AREG: variants seen among roughly 807,000 people sequenced by gnomAD.
AREG encodes amphiregulin B.
A neutral mutation model predicts 28.0 loss-of-function variants in AREG; 16 were observed. That is an observed-to-expected ratio of 0.57 (90% CI 0.39 to 0.87). AREG has a LOEUF of 0.87. Ranked by LOEUF, AREG falls within the 40% of genes least tolerant of loss-of-function variation. The probability of loss-of-function intolerance (pLI) is 0.00; values close to 1 mark genes in which losing one functional copy is unlikely to be tolerated. For missense variants in AREG, 287 were observed against 309.1 expected, an observed-to-expected ratio of 0.93 and a Z score of 0.53; for synonymous variants, 113 against 113.5, an observed-to-expected ratio of 1.00 and a Z score of 0.02.
intron 2 of AREG, 71 bp from the exon 3 acceptor site, chr4:74,448,976 T>A: frequency 6.3e-7 from 1 of 1,594,290 alleles, no homozygotes; most frequent in East Asian, 2.2e-5. Flanking sequence ...TGCTATGACA[T>A]CTTTCTCTCA....
At position 74,446,710 on chromosome 4, in the gene AREG, G is replaced by C. The variant is rs748850635; in HGVS notation, c.238G>C (p.Asp80His). The change falls in exon 2 of 6, where the codon GAC (aspartate) becomes CAC (histidine). Residue 80 changes from aspartate to histidine, a missense_variant. Coordinates refer to ENST00000395748, the MANE Select transcript of AREG (RefSeq NM_001657.4). Reference protein sequence around the residue: ...PSSSEPSSGADYDYSEEYDNE... With the variant: ...PSSSEPSSGAHYDYSEEYDNE... ...TAGTAGTGAACCGTCCTCGGGAGCCGACTATGACTACTCAGAAGAGTATGA... is the reference window on the plus strand; with the variant it reads ...TAGTAGTGAACCGTCCTCGGGAGCCCACTATGACTACTCAGAAGAGTATGA... 8 of 1,613,912 alleles carry C rather than the reference G, an allele frequency of 5.0e-6. No homozygotes were observed. The highest frequency in any genetic ancestry group is 6.8e-6 in the Non-Finnish European group (8 of 1,179,856).
intron 5 of AREG, among the ~76,000 whole-genome samples, chr4:74,453,788 G>A (rs1177768142): frequency 6.6e-6 from 1 of 152,048 alleles, no homozygotes; most frequent in African/African-American, 2.4e-5. Flanking sequence ...GGGTGTGGTG[G>A]TGAATGTCTA....
In AREG at chr4:74,452,598, A is replaced by G. The variant is rs1719397195; in HGVS notation, c.720A>G (p.Lys240=). Residue 240 remains lysine, a synonymous_variant, in exon 5 of 6, where the codon AAA becomes AAG. Transcript: ENST00000395748. ...AAGGAGAAGCTGAGGAACGAAAGAA[A>G]CTTCGACAAGAGAATGGAAATGTAC... ...KYEGEAEERK[K]LRQENGNVHA... 3 of 1,613,482 alleles carry G rather than the reference A, an allele frequency of 1.9e-6. No homozygotes were observed. The highest frequency in any genetic ancestry group is 1.7e-6 in the Non-Finnish European group (2 of 1,179,696).
chr4:74,446,893 T>A (rs1318913368), intron 2 of AREG, 111 bp downstream of exon 2: 1 of 1,602,642 alleles, frequency 6.2e-7, no homozygotes, highest in Non-Finnish European at 8.5e-7. Flanking sequence ...TTATTGTATA[T>A]CTGTTGGATA....
Position 74,447,064 on chromosome 4 carries a change from A to G in AREG, c.310+282A>G, listed in dbSNP as rs1010297185. 1.5e-3 allele frequency among the ~76,000 whole-genome samples: 229 copies of G among 152,300 alleles called. 5 individuals carry two copies. The South Asian group carries it at 0.044, about 29-fold the overall frequency. On this transcript the variant is annotated intron_variant, in intron 2 of 5. Coordinates refer to ENST00000395748, the MANE Select transcript of AREG (RefSeq NM_001657.4). ...TTTACAGATGTGATAACTGAAGCCGAAAAAGGTTTTGCTCTAGGTTCTACA... is the reference window on the plus strand; with the variant it reads ...TTTACAGATGTGATAACTGAAGCCGGAAAAGGTTTTGCTCTAGGTTCTACA...
At position 74,449,056 on chromosome 4, in the gene AREG, TAG is replaced by T; in HGVS notation, c.321_322del (p.Val108Ter). On this transcript the variant is annotated frameshift_variant, in exon 3 of 6. Transcript: ENST00000395748. LOFTEE classifies it high-confidence loss of function. ...ATCTTTTCTTTTTTAGTTGAACAGG[TAG>T]TTAAGCCCCCCCAAAACAAGACGGA... 1 of 1,608,978 alleles carries T rather than the reference TAG, an allele frequency of 6.2e-7. No homozygotes were observed. Among genetic ancestry groups the T allele is most frequent in the Non-Finnish European group, 8.5e-7 (1 of 1,179,156 alleles).
At chr4:74,449,954 A>ATG (rs1409655855) in intron 3 of AREG, among the ~76,000 whole-genome samples, 2 of 149,894 alleles carry the variant, frequency 1.3e-5, no homozygotes, top group African/African-American at 4.9e-5. Flanking sequence ...ATATATATGT[A>ATG]TGTGTGTGTG....
At chr4:74,450,684 C>A in intron 4 of AREG, 152 bp downstream of exon 4, 1 of 1,241,976 alleles carries the variant, frequency 8.1e-7, no homozygotes, top group Non-Finnish European at 1.1e-6. Flanking sequence ...TGACAAATAT[C>A]ACAGAAAGTG....
rs904717247 is a variant in AREG at position 74,445,235 on chromosome 4, C to T, written c.-111C>T. ...GCTCCCCAAGCCTTCGAGAGCGGCG[C>T]ACACTCCCGGTCTCCACTCGCTCTT... is the stretch of plus-strand genomic sequence containing the variant. On this transcript the variant is annotated 5_prime_UTR_variant, in exon 1 of 6. Coordinates refer to ENST00000395748, the MANE Select transcript of AREG (RefSeq NM_001657.4). 5.9e-6 allele frequency: 9 copies of T among 1,538,070 alleles called. No homozygotes were observed. In the African/African-American group the frequency reaches 1.2e-4, roughly 21 times the overall value.
rs1719251010 is a variant in AREG at position 74,445,307 on chromosome 4, T to G, written c.-39T>G. 6.2e-7 allele frequency: 1 copy of G among 1,600,876 alleles called. No homozygotes were observed. The highest frequency in any genetic ancestry group is 1.7e-5 in the Admixed American group (1 of 58,452). On this transcript the variant is annotated 5_prime_UTR_variant, in exon 1 of 6. Coordinates refer to ENST00000395748, the MANE Select transcript of AREG (RefSeq NM_001657.4). ...GGCAGCTCGTGTCCCAGAGACCGAG[T>G]TGCCCCAGAGACCGAGACGCCGCCG...
chr4:74,445,310 C>A lies in AREG; in HGVS notation c.-36C>A, dbSNP rs762292477. On this transcript the variant is annotated 5_prime_UTR_variant, in exon 1 of 6. Coordinates refer to ENST00000395748, the MANE Select transcript of AREG (RefSeq NM_001657.4). ...AGCTCGTGTCCCAGAGACCGAGTTG[C>A]CCCAGAGACCGAGACGCCGCCGCTG... 1.4e-5 allele frequency: 22 copies of A among 1,602,136 alleles called. 2 individuals are homozygous for A. The highest frequency in any genetic ancestry group is 2.3e-4 in the Middle Eastern group (1 of 4,438).
intron 5 of AREG, among the ~76,000 whole-genome samples, chr4:74,453,271 G>T (rs1246133941): frequency 1.3e-5 from 2 of 152,188 alleles, no homozygotes; most frequent in Non-Finnish European, 2.9e-5. Flanking sequence ...CTGATAATGT[G>T]AGGGCATGGA....
intron 1 of AREG, among the ~76,000 whole-genome samples, chr4:74,445,952 A>G (rs891436701): frequency 7.9e-5 from 12 of 150,974 alleles, no homozygotes; most frequent in Admixed American, 2.6e-4. Flanking sequence ...CTATGTAGTA[A>G]TAATAATAAT....
chr4:74,447,452 A>G lies in AREG; in HGVS notation c.310+670A>G, dbSNP rs1003409451. On this transcript the variant is annotated intron_variant, in intron 2 of 5. Transcript: ENST00000395748. ...TTTGTATTGCTAAAATCACTCTTTA[A>G]CCCCAAATCCCATTTGTTAGTTATA... 6.4e-4 allele frequency among the ~76,000 whole-genome samples: 97 copies of G among 152,116 alleles called. 1 individual carries two copies. Among genetic ancestry groups the G allele is most frequent in the African/African-American group, 2.3e-3 (94 of 41,488 alleles).
intron 4 of AREG, 89 bp downstream of exon 4, chr4:74,450,621 A>G: frequency 6.6e-7 from 1 of 1,504,534 alleles, no homozygotes. Flanking sequence ...CTGGTATTTT[A>G]GATGAATTAT....
At position 74,452,571 on chromosome 4, in the gene AREG, T is replaced by C; in HGVS notation, c.693T>C (p.Tyr231=). 11 of 1,613,510 alleles carry C rather than the reference T, an allele frequency of 6.8e-6. No homozygotes were observed. The South Asian group carries it at 1.2e-4, about 18-fold the overall frequency. The change falls in exon 5 of 6, where the codon TAT becomes TAC. Residue 231 remains tyrosine, a synonymous_variant. Coordinates refer to ENST00000395748, the MANE Select transcript of AREG (RefSeq NM_001657.4). ...VQLRRQYVRK[Y]EGEAEERKKL... is the part of the protein sequence containing the mutation. ...TTAGAAGACAATACGTCAGGAAATATGAAGGAGAAGCTGAGGAACGAAAGA... is the reference window on the plus strand; with the variant it reads ...TTAGAAGACAATACGTCAGGAAATACGAAGGAGAAGCTGAGGAACGAAAGA...
intron 5 of AREG, among the ~76,000 whole-genome samples, chr4:74,453,681 C>T (rs984463498): frequency 3.3e-4 from 50 of 152,052 alleles, no homozygotes; most frequent in Non-Finnish European, 6.2e-4. Flanking sequence ...CTGAGGTGGG[C>T]GGATCACCTG....
At chr4:74,446,835 G>A (rs1048714213) in intron 2 of AREG, 53 bp downstream of exon 2, 45 of 1,613,510 alleles carry the variant, frequency 2.8e-5, no homozygotes, top group Non-Finnish European at 3.6e-5. Flanking sequence ...GTTTATATGA[G>A]CAAAGCTGCT....
At chr4:74,451,846 C>T (rs999968476) in intron 4 of AREG, among the ~76,000 whole-genome samples, 4 of 152,006 alleles carry the variant, frequency 2.6e-5, no homozygotes, top group Admixed American at 6.6e-5. Flanking sequence ...CTTTTTTCCC[C>T]GTGTCTCCCA....
Sources: allele counts gnomAD v4.1 joint callset (sites outside exome capture counted in the v4.1 genomes callset), GRCh38; gene constraint gnomAD v4.1.1; transcripts MANE v1.5; gene names NCBI Gene and HGNC (gene_info 2026-07-23, HGNC 2026-07-21).